Variants in ACOXL observed in about 807,000 individuals in gnomAD.
ACOXL encodes the protein acyl-coenzyme A oxidase-like protein.
Under a neutral mutation model 71.9 loss-of-function variants are expected in ACOXL, and 70 were observed. That is an observed-to-expected ratio of 0.97 (90% CI 0.80 to 1.19). ACOXL has a LOEUF of 1.19. ACOXL is among the 50% of genes most tolerant of loss of function. The pLI, the probability that ACOXL is intolerant of heterozygous loss-of-function variation, is 0.00. For synonymous variants in ACOXL, 253 were observed against 281.6 expected, an observed-to-expected ratio of 0.90 and a Z score of 1.02; for missense variants, 703 against 736.3, an observed-to-expected ratio of 0.95 and a Z score of 0.52.
intron 2 of ACOXL, among the ~76,000 whole-genome samples, chr2:110,781,985 A>G (rs1483779146): frequency 1.3e-5 from 2 of 152,248 alleles, no homozygotes; most frequent in Non-Finnish European, 1.5e-5. Context: ...AAGAAAAGCT[A>G]TCTTCCTCTG....
chr2:110,933,345 G>A lies in ACOXL; in HGVS notation c.906-144G>A, dbSNP rs947790525. On this transcript the variant is annotated intron_variant, in intron 11 of 17. Transcript: ENST00000439055. ...TTAACTATGCCACTGTTATTTTTTA[G>A]TGACTATCTACAGTTTAAAATCTGC... 5.1e-6 allele frequency: 5 copies of A among 986,662 alleles called. No homozygotes were observed. In the African/African-American group the frequency reaches 8.1e-5, roughly 16 times the overall value. The allele number at this position is 986,662 out of a possible 1,614,324, so 61.1% of individuals were successfully genotyped here.
intron 16 of ACOXL, among the ~76,000 whole-genome samples, chr2:111,060,784 T>TA (rs1295243101): frequency 2.0e-5 from 3 of 151,934 alleles, no homozygotes; most frequent in Non-Finnish European, 4.4e-5. Context: ...AGTGAAACAA[T>TA]AAAAAATCAC....
intron 14 of ACOXL, among the ~76,000 whole-genome samples, chr2:111,004,307 T>A (rs1230802725): frequency 6.7e-5 from 2 of 29,950 alleles, no homozygotes; most frequent in Non-Finnish European, 1.2e-4. Context: ...ACTTTAGAGA[T>A]GCTTGGCCAA....
intron 10 of ACOXL, among the ~76,000 whole-genome samples, chr2:110,892,619 A>G (rs541968553): frequency 4.6e-5 from 7 of 152,322 alleles, no homozygotes; most frequent in African/African-American, 1.7e-4. Context: ...ATTCCTGTGC[A>G]CTGAAGACAC....
At chr2:111,057,321 C>T (rs1193962340) in intron 16 of ACOXL, among the ~76,000 whole-genome samples, 1 of 152,228 alleles carries the variant, frequency 6.6e-6, no homozygotes, top group East Asian at 1.9e-4. Context: ...AGACAGCTGC[C>T]TTCCCAGGGG....
chr2:110,830,521 T>G (rs1228195965), intron 9 of ACOXL, among the ~76,000 whole-genome samples: 2 of 152,062 alleles, frequency 1.3e-5, no homozygotes, highest in African/African-American at 4.8e-5. Flanking sequence ...TCAGGTTTTT[T>G]GGGTTTGTTT....
chr2:110,747,324 A>G (rs1678351627), intron 1 of ACOXL, among the ~76,000 whole-genome samples: 1 of 152,194 alleles, frequency 6.6e-6, no homozygotes, highest in Non-Finnish European at 1.5e-5. Context: ...TATTTAAACG[A>G]CAGCCAGAAA....
At chr2:110,825,543 G>T (rs1265447976) in intron 9 of ACOXL, among the ~76,000 whole-genome samples, 1 of 152,048 alleles carries the variant, frequency 6.6e-6, no homozygotes, top group Non-Finnish European at 1.5e-5. Flanking sequence ...TTTTTTCACT[G>T]AACACTGTTT....
chr2:110,946,320 A>G (rs1047892045), intron 12 of ACOXL, among the ~76,000 whole-genome samples: 1 of 152,204 alleles, frequency 6.6e-6, no homozygotes, highest in Non-Finnish European at 1.5e-5. Context: ...GAATTATGTT[A>G]TCTGCAAACA....
At chr2:111,003,550 CAAAAAAA>C (rs548001377) in intron 14 of ACOXL, among the ~76,000 whole-genome samples, 410 of 35,310 alleles carry the variant, frequency 0.012, 10 homozygotes, top group Admixed American at 0.099. Flanking sequence ...GACTCTGTCT[CAAAAAAA>C]AAAAAAAAAA....
chr2:110,968,353 T>A (rs2062023318), intron 12 of ACOXL: 2 of 1,139,506 alleles, frequency 1.8e-6, no homozygotes, highest in Non-Finnish European at 2.6e-6. Context: ...CTCATCTGTC[T>A]CTCATAGTAC....
At chr2:111,001,160 G>A (rs1012704260) in intron 14 of ACOXL, among the ~76,000 whole-genome samples, 4 of 152,168 alleles carry the variant, frequency 2.6e-5, no homozygotes, top group African/African-American at 7.2e-5. Flanking sequence ...GAAGCTTGAG[G>A]GCATCCTCTG....
At chr2:110,833,669 T>G (rs757886068) in intron 9 of ACOXL, among the ~76,000 whole-genome samples, 22 of 152,212 alleles carry the variant, frequency 1.4e-4, no homozygotes, top group Admixed American at 9.2e-4. Context: ...ACAGCCTGAT[T>G]TAAAAAAACT....
At chr2:110,806,879 A>AAG (rs1686712838) in intron 9 of ACOXL, among the ~76,000 whole-genome samples, 1 of 151,928 alleles carries the variant, frequency 6.6e-6, no homozygotes, top group African/African-American at 2.4e-5. Context: ...TGTGTGGGGC[A>AAG]AGGTGTGGGG....
At chr2:111,055,609 G>A (rs767059683) in intron 16 of ACOXL, among the ~76,000 whole-genome samples, 2 of 152,224 alleles carry the variant, frequency 1.3e-5, no homozygotes, top group African/African-American at 4.8e-5. Context: ...GCTGCCCGTT[G>A]TGGCCACACA....
chr2:110,863,502 A>G (rs1694196066), intron 10 of ACOXL, among the ~76,000 whole-genome samples: 1 of 152,342 alleles, frequency 6.6e-6, no homozygotes, highest in South Asian at 2.1e-4. Flanking sequence ...CTCCTCTTCT[A>G]CAATGAATGT....
chr2:110,930,765 C>T (rs1364610888), intron 11 of ACOXL, among the ~76,000 whole-genome samples: 1 of 152,158 alleles, frequency 6.6e-6, no homozygotes, highest in Non-Finnish European at 1.5e-5. Flanking sequence ...AGTTGTTTTA[C>T]AAGAGGTTTC....
chr2:110,815,901 C>T (rs1198346821), intron 9 of ACOXL, among the ~76,000 whole-genome samples: 2 of 152,176 alleles, frequency 1.3e-5, no homozygotes, highest in African/African-American at 4.8e-5. Flanking sequence ...GAGGACAGAA[C>T]CTGTGTCTTC....
chr2:111,110,702 C>G (rs2069883148), intron 17 of ACOXL, among the ~76,000 whole-genome samples: 1 of 152,226 alleles, frequency 6.6e-6, no homozygotes, highest in Non-Finnish European at 1.5e-5. Flanking sequence ...CAAGAAAGAG[C>G]TCATCTCTCT....
Sources: gnomAD v4.1 joint callset for allele counts (sites outside exome capture counted in the v4.1 genomes callset) on GRCh38, gnomAD v4.1.1 for gene constraint, MANE v1.5 for transcripts, NCBI Gene and HGNC (gene_info 2026-07-23, HGNC 2026-07-21) for gene names.